The following ATRNL1 variants were observed in gnomAD, a reference collection of about 807,000 sequenced individuals.
ATRNL1 encodes attractin-like protein 1.
ATRNL1 carries 95 observed loss-of-function variants against 182.7 expected under a neutral mutation model. That is an observed-to-expected ratio of 0.52 (90% CI 0.44 to 0.62). ATRNL1 has a LOEUF of 0.62. Among genes scored for constraint, ATRNL1 ranks in the 20% least tolerant of loss-of-function variants. The pLI is 0.00. For synonymous variants in ATRNL1, 576 were observed against 568.3 expected, an observed-to-expected ratio of 1.01 and a Z score of -0.19; for missense variants, 1,471 against 1,679.5, an observed-to-expected ratio of 0.88 and a Z score of 2.17.
intron 26 of ATRNL1, among the ~76,000 whole-genome samples, chr10:115,584,863 C>A (rs1855408770): frequency 6.6e-6 from 1 of 151,250 alleles, no homozygotes. Context: ...TTGGATCTTT[C>A]CTGCTTCCTC....
chr10:115,809,648 C>T (rs1320247385), intron 27 of ATRNL1, among the ~76,000 whole-genome samples: 2 of 151,716 alleles, frequency 1.3e-5, no homozygotes, highest in African/African-American at 2.4e-5. Flanking sequence ...ATATTTTTAT[C>T]TTGTGACATT....
rs74671407 is a variant in ATRNL1 at position 115,787,805 on chromosome 10, G to A, written c.3904-60072G>A. On this transcript the variant is annotated intron_variant, in intron 27 of 28. Coordinates refer to ENST00000355044, the MANE Select transcript of ATRNL1 (RefSeq NM_207303.4). ...CATGTGATTAGGTTAAAGACCTTGA[G>A]ATGGGAGATTACACTGGATTATTGG... Among the ~76,000 whole-genome samples, 731 of 152,274 alleles carry A rather than the reference G, an allele frequency of 4.8e-3. 3 individuals are homozygous for A. The highest frequency in any genetic ancestry group is 7.0e-3 in the Non-Finnish European group (474 of 68,034).
intron 9 of ATRNL1, among the ~76,000 whole-genome samples, chr10:115,223,050 T>C (rs1849531171): frequency 6.6e-6 from 1 of 152,058 alleles, no homozygotes; most frequent in South Asian, 2.1e-4. Context: ...AGAGCTGAGG[T>C]GGGCAGATCA....
At chr10:115,215,600 T>C (rs1849199036) in intron 8 of ATRNL1, 97 bp from the exon 9 acceptor site, 4 of 930,510 alleles carry the variant, frequency 4.3e-6, no homozygotes, top group Non-Finnish European at 6.3e-6. Context: ...CTCATAAAAA[T>C]ATGTCATTAG....
intron 8 of ATRNL1, among the ~76,000 whole-genome samples, chr10:115,203,497 C>T (rs1325209992): frequency 2.0e-5 from 3 of 150,244 alleles, no homozygotes; most frequent in Non-Finnish European, 4.4e-5. Flanking sequence ...TGATAAAGTA[C>T]AAAATGTACT....
intron 28 of ATRNL1, among the ~76,000 whole-genome samples, chr10:115,918,205 G>T (rs1162324258): frequency 6.7e-6 from 1 of 149,924 alleles, no homozygotes; most frequent in African/African-American, 2.5e-5. Flanking sequence ...GGTTCAAGAG[G>T]TTCTCTTGCC....
At chr10:115,247,596 C>G (rs1462295953) in intron 10 of ATRNL1, among the ~76,000 whole-genome samples, 1 of 152,086 alleles carries the variant, frequency 6.6e-6, no homozygotes, top group East Asian at 1.9e-4. Context: ...AGTACAGCCA[C>G]TATGGAGAAT....
intron 10 of ATRNL1, among the ~76,000 whole-genome samples, chr10:115,249,223 A>T (rs959294639): frequency 1.3e-5 from 2 of 152,098 alleles, no homozygotes; most frequent in Admixed American, 1.3e-4. Context: ...TGAACTCCTG[A>T]CCTCAGGTGA....
At chr10:115,479,286 G>A (rs1848660526) in intron 24 of ATRNL1, among the ~76,000 whole-genome samples, 1 of 151,468 alleles carries the variant, frequency 6.6e-6, no homozygotes. Flanking sequence ...TTATATCTAT[G>A]AATGGAATTC....
intron 10 of ATRNL1, among the ~76,000 whole-genome samples, chr10:115,261,761 G>A (rs1425290023): frequency 6.6e-6 from 1 of 152,090 alleles, no homozygotes; most frequent in African/African-American, 2.4e-5. Context: ...GAGTGTGGTG[G>A]TGTGCACCTA....
intron 27 of ATRNL1, among the ~76,000 whole-genome samples, chr10:115,815,907 A>G (rs1950153743): frequency 6.6e-6 from 1 of 152,130 alleles, no homozygotes; most frequent in African/African-American, 2.4e-5. Flanking sequence ...GCCAGGTAAG[A>G]GGAGAATAAG....
At chr10:115,230,885 G>GAGAGAA (rs1243214801) in intron 9 of ATRNL1, among the ~76,000 whole-genome samples, 1 of 81,518 alleles carries the variant, frequency 1.2e-5, no homozygotes, top group African/African-American at 3.5e-5. Context: ...GAGAGAGAGA[G>GAGAGAA]AGAGAGAGAG....
At chr10:115,589,372 ATAT>A (rs1297052167) in intron 26 of ATRNL1, among the ~76,000 whole-genome samples, 1 of 152,120 alleles carries the variant, frequency 6.6e-6, no homozygotes, top group Non-Finnish European at 1.5e-5. Flanking sequence ...AGTATGGAAA[ATAT>A]TATATTTATT....
intron 27 of ATRNL1, among the ~76,000 whole-genome samples, chr10:115,729,028 GA>G (rs555542605): frequency 4.6e-5 from 7 of 151,294 alleles, no homozygotes; most frequent in South Asian, 2.1e-4. Context: ...AGTAACAAGA[GA>G]AAAAAAATGT....
chr10:115,475,708 T>C (rs148416535), intron 24 of ATRNL1, among the ~76,000 whole-genome samples: 39 of 151,510 alleles, frequency 2.6e-4, no homozygotes, highest in African/African-American at 9.2e-4. Flanking sequence ...TATTGCATTG[T>C]AATAATTGTT....
At chr10:115,871,610 G>A (rs998540307) in intron 28 of ATRNL1, among the ~76,000 whole-genome samples, 26 of 151,706 alleles carry the variant, frequency 1.7e-4, no homozygotes, top group Non-Finnish European at 2.9e-5. Flanking sequence ...CAAAGAAGCA[G>A]GAACTGCTTG....
chr10:115,745,656 T>C (rs1253521459), intron 27 of ATRNL1, among the ~76,000 whole-genome samples: 1 of 152,184 alleles, frequency 6.6e-6, no homozygotes, highest in African/African-American at 2.4e-5. Flanking sequence ...TGTTTTGTTA[T>C]TCTAATGACT....
intron 25 of ATRNL1, among the ~76,000 whole-genome samples, chr10:115,540,167 A>G (rs555929706): frequency 6.6e-6 from 1 of 151,942 alleles, no homozygotes; most frequent in Non-Finnish European, 1.5e-5. Flanking sequence ...ATAGTGCTTT[A>G]TAAACTTCTG....
chr10:115,715,614 C>G (rs1304548059), intron 26 of ATRNL1, among the ~76,000 whole-genome samples: 2 of 152,078 alleles, frequency 1.3e-5, no homozygotes, highest in Non-Finnish European at 2.9e-5. Flanking sequence ...TGCAGAGAGA[C>G]AACTAACACA....
Sources: allele counts gnomAD v4.1 joint callset (sites outside exome capture counted in the v4.1 genomes callset), GRCh38; gene constraint gnomAD v4.1.1; transcripts MANE v1.5; gene names NCBI Gene and HGNC (gene_info 2026-07-23, HGNC 2026-07-21).